Variants in UGT1A5 observed in about 807,000 individuals in gnomAD.
The protein encoded by UGT1A5 is UDP glucuronosyltransferase family 1 member A5, also known as UDP-glucuronosyltransferase 1A5.
In UGT1A5, 29 loss-of-function variants were observed where a neutral mutation model predicts 40.3. The observed-to-expected ratio is 0.72, with a 90% CI of 0.54 to 0.98. The LOEUF (loss-of-function observed/expected upper bound fraction) is 0.98, where lower values mean the gene tolerates loss of function less well. UGT1A5 is among the 50% of genes least tolerant of loss of function. UGT1A5 has a pLI of 0.00. For synonymous variants in UGT1A5, 257 were observed against 262.5 expected (o/e 0.98, Z 0.20); for missense variants, 678 against 677.9 (o/e 1.00, Z 0.00).
rs762748984 is a variant in UGT1A5 at position 233,755,099 on chromosome 2, C to T, written c.868-11935C>T. On this transcript the variant is annotated intron_variant, in intron 1 of 4. Transcript: ENST00000373414. ...CATAGATATCGCGTTTCTACGCGTCCGACAACACCTCGTAGGCCTCAGCCA... is the reference window on the plus strand; with the variant it reads ...CATAGATATCGCGTTTCTACGCGTCTGACAACACCTCGTAGGCCTCAGCCA... The T allele has an allele frequency of 6.0e-6, 8 of 1,334,956 alleles. 1 individual carries two copies. In the South Asian group the frequency reaches 8.0e-5, roughly 13 times the overall value. The allele number at this position is 1,334,956 out of a possible 1,614,324, so 82.7% of individuals were successfully genotyped here.
intron 1 of UGT1A5, among the ~76,000 whole-genome samples, chr2:233,762,901 A>G (rs545178357): frequency 1.3e-5 from 2 of 152,194 alleles, no homozygotes; most frequent in Admixed American, 6.5e-5. Flanking sequence ...GCCAAATATC[A>G]GGGCTATTGA....
At position 233,757,541 on chromosome 2, in the gene UGT1A5, T is replaced by TATACATATAC. The variant is rs1229454769; in HGVS notation, c.868-9490_868-9489insCATATACATA. ...CAAAATCTTGCCTGTAAGGAATATA[T>TATACATATAC]ATATATATATATATATATATGTATA... On this transcript the variant is annotated intron_variant, in intron 1 of 4. Transcript: ENST00000373414. Among the ~76,000 whole-genome samples the TATACATATAC allele has an allele frequency of 5.2e-3, 611 of 117,548 alleles. 31 individuals carry two copies. Among genetic ancestry groups the TATACATATAC allele is most frequent in the Admixed American group, 0.029 (361 of 12,346 alleles). The allele number at this position is 117,548 out of a possible 152,430, so 77.1% of individuals were successfully genotyped here.
chr2:233,757,382 C>T (rs1017517189), intron 1 of UGT1A5, among the ~76,000 whole-genome samples: 3 of 151,230 alleles, frequency 2.0e-5, no homozygotes, highest in African/African-American at 7.3e-5. Flanking sequence ...AGATTCAGCA[C>T]TTACTTGCTG....
At chr2:233,732,556 A>G (rs1170205117) in intron 1 of UGT1A5, among the ~76,000 whole-genome samples, 1 of 152,226 alleles carries the variant, frequency 6.6e-6, no homozygotes, top group African/African-American at 2.4e-5. Context: ...CATTTATTAA[A>G]TAAGGAATCC....
intron 1 of UGT1A5, chr2:233,761,211 C>G (rs35802766): frequency 6.2e-7 from 1 of 1,613,738 alleles, no homozygotes; most frequent in East Asian, 2.2e-5. Flanking sequence ...TACTTTGGAT[C>G]GATTAACTAG....
intron 1 of UGT1A5, among the ~76,000 whole-genome samples, chr2:233,764,716 G>C (rs1292483836): frequency 6.6e-6 from 1 of 152,182 alleles, no homozygotes; most frequent in Non-Finnish European, 1.5e-5. Context: ...GTCTCCCCAA[G>C]AAAGAGGGAG....
intron 1 of UGT1A5, chr2:233,754,923 C>G (rs1466218732): frequency 7.4e-7 from 1 of 1,349,888 alleles, no homozygotes; most frequent in Non-Finnish European, 9.9e-7. Flanking sequence ...CAGCGGGTTT[C>G]CCAAGAGGTC....
At chr2:233,718,832 A>G (rs1187476814) in intron 1 of UGT1A5, 1 of 1,613,166 alleles carries the variant, frequency 6.2e-7, no homozygotes, top group African/African-American at 1.3e-5. Context: ...TGGCCAGAGG[A>G]CTCCAGGTTC....
intron 1 of UGT1A5, among the ~76,000 whole-genome samples, chr2:233,764,826 T>G (rs932278016): frequency 5.9e-5 from 9 of 151,744 alleles, no homozygotes; most frequent in African/African-American, 2.2e-4. Flanking sequence ...TGCAGCATGG[T>G]GGTGGGGAGG....
Position 233,713,278 on chromosome 2 carries a change from ACACT to A in UGT1A5, c.290_293del (p.Thr97AsnfsTer10). 1 of 1,614,252 alleles carries A rather than the reference ACACT, an allele frequency of 6.2e-7. No individual in the cohort carries two copies. The highest frequency in any genetic ancestry group is 8.5e-7 in the Non-Finnish European group (1 of 1,180,046). ...GAATTTGATCGCCTTTTGCTGGGTCACACTCAATCGTTCTTTGAAACAGAACATC... is the reference window on the plus strand; with the variant it reads ...GAATTTGATCGCCTTTTGCTGGGTCACAATCGTTCTTTGAAACAGAACATC... On this transcript the variant is annotated frameshift_variant, in exon 1 of 5. Transcript: ENST00000373414. LOFTEE classifies it high-confidence loss of function.
intron 1 of UGT1A5, among the ~76,000 whole-genome samples, chr2:233,722,870 A>ATTTTTT: frequency 7.8e-6 from 1 of 127,982 alleles, no homozygotes; most frequent in Non-Finnish European, 1.7e-5. Context: ...GAAGGAAAAA[A>ATTTTTT]TAAATTTATT....
chr2:233,733,282 T>A (rs1222670290), intron 1 of UGT1A5, among the ~76,000 whole-genome samples: 1 of 152,234 alleles, frequency 6.6e-6, no homozygotes, highest in African/African-American at 2.4e-5. Flanking sequence ...CCTCTTTTCC[T>A]AATTGAATGC....
At chr2:233,727,532 C>T (rs1479523178) in intron 1 of UGT1A5, among the ~76,000 whole-genome samples, 28 of 152,260 alleles carry the variant, frequency 1.8e-4, no homozygotes, top group Middle Eastern at 6.8e-3. Context: ...CACTACCAGG[C>T]GTGTTCCACC....
At chr2:233,726,906 T>G (rs1286190236) in intron 1 of UGT1A5, among the ~76,000 whole-genome samples, 2 of 152,198 alleles carry the variant, frequency 1.3e-5, no homozygotes, top group Non-Finnish European at 2.9e-5. Flanking sequence ...TTCAATTATC[T>G]CCTTTTTTCC....
chr2:233,741,106 A>T (rs1691567607), intron 1 of UGT1A5, among the ~76,000 whole-genome samples: 2 of 151,792 alleles, frequency 1.3e-5, no homozygotes. Context: ...CAGACAATCA[A>T]GCTTTACACT....
chr2:233,755,027 C>A (rs759197919), intron 1 of UGT1A5: 14 of 1,309,218 alleles, frequency 1.1e-5, no homozygotes, highest in Non-Finnish European at 1.4e-5. Flanking sequence ...CCTTGAAGGG[C>A]CTGCCGCCTG....
chr2:233,767,299 C>A (rs1479626764), intron 2 of UGT1A5, 134 bp downstream of exon 2: 17 of 1,540,620 alleles, frequency 1.1e-5, no homozygotes, highest in Non-Finnish European at 1.3e-5. Flanking sequence ...AACTATTAAT[C>A]CAAAGGTTTT....
chr2:233,738,569 A>G (rs1031993936), intron 1 of UGT1A5, among the ~76,000 whole-genome samples: 1 of 152,222 alleles, frequency 6.6e-6, no homozygotes, highest in African/African-American at 2.4e-5. Context: ...GAATCTGTTG[A>G]GAACTGGAGC....
chr2:233,717,714 T>G, intron 1 of UGT1A5: 2 of 453,348 alleles, frequency 4.4e-6, no homozygotes, highest in South Asian at 1.6e-5. Flanking sequence ...ACGAGCCTCA[T>G]GGGCATGAGA....
Sources: allele counts gnomAD v4.1 joint callset (sites outside exome capture counted in the v4.1 genomes callset), GRCh38; gene constraint gnomAD v4.1.1; transcripts MANE v1.5; gene names NCBI Gene and HGNC (gene_info 2026-07-23, HGNC 2026-07-21).